RBFOX3: variants seen among roughly 807,000 people sequenced by gnomAD.
The protein encoded by RBFOX3 is RNA binding fox-1 homolog 3.
A neutral mutation model predicts 48.7 loss-of-function variants in RBFOX3; 17 were observed. The ratio of observed to expected loss-of-function variants is 0.35; its 90% CI spans 0.24 to 0.52. RBFOX3 has a LOEUF of 0.52. RBFOX3 is among the 20% of genes least tolerant of loss of function. The pLI is 0.94. For synonymous variants in RBFOX3, 212 were observed against 209.5 expected (o/e 1.01, Z -0.10); for missense variants, 382 against 497.5 (o/e 0.77, Z 2.21).
chr17:79,518,718 G>A (rs888770722), intron 1 of RBFOX3, among the ~76,000 whole-genome samples: 20 of 152,236 alleles, frequency 1.3e-4, no homozygotes, highest in African/African-American at 4.6e-4. Flanking sequence ...CCCCCTTGCC[G>A]TGCCTTCCCT....
intron 2 of RBFOX3, among the ~76,000 whole-genome samples, chr17:79,402,616 G>C (rs75187275): frequency 0.011 from 1,738 of 152,328 alleles, 35 homozygotes; most frequent in African/African-American, 0.039. Flanking sequence ...GAAAGGGTGG[G>C]CCAGGGCCTG....
intron 14 of RBFOX3, chr17:79,092,366 C>A: frequency 1.0e-6 from 1 of 985,626 alleles, no homozygotes; most frequent in Non-Finnish European, 1.2e-6. Flanking sequence ...CGGTTGCAGA[C>A]ATACAGGAAA....
At chr17:79,241,550 ACT>A (rs2062379835) in intron 3 of RBFOX3, among the ~76,000 whole-genome samples, 1 of 151,858 alleles carries the variant, frequency 6.6e-6, no homozygotes, top group South Asian at 2.1e-4. Context: ...GAGGAAGGTG[ACT>A]CTGTGCTGAG....
intron 4 of RBFOX3, among the ~76,000 whole-genome samples, chr17:79,190,240 C>T (rs2054194724): frequency 1.3e-5 from 2 of 152,110 alleles, no homozygotes; most frequent in South Asian, 4.1e-4. Flanking sequence ...GGTGAAACCC[C>T]ATCTCTACTA....
rs868933166 is a variant in RBFOX3, at chr17:79,515,501, G to A, written c.-319-32903C>T. ...ACAGGGTTACAAGAGAACCGCAATC[G>A]GAGAAGAGCCACCAGCACATAGAAA... On this transcript the variant is annotated intron_variant, in intron 1 of 14. Coordinates refer to ENST00000693108, the MANE Select transcript of RBFOX3 (RefSeq NM_001350451.2). 2.0e-3 allele frequency among the ~76,000 whole-genome samples: 303 copies of A among 152,312 alleles called. 7 individuals carry two copies. In the Middle Eastern group the frequency reaches 0.021, roughly 10 times the overall value.
chr17:79,310,075 C>T (rs189725706), intron 2 of RBFOX3, among the ~76,000 whole-genome samples: 12 of 152,238 alleles, frequency 7.9e-5, no homozygotes, highest in South Asian at 2.1e-4. Context: ...CCTGGCAAGC[C>T]GCAGGTGCTC....
chr17:79,614,339 T>C (rs2093986059), upstream of RBFOX3, among the ~76,000 whole-genome samples: 2 of 152,188 alleles, frequency 1.3e-5, no homozygotes, highest in African/African-American at 2.4e-5. Context: ...CATCCTGACC[T>C]CCACCCTCCT....
At chr17:79,403,387 G>T (rs1391859505) in intron 2 of RBFOX3, among the ~76,000 whole-genome samples, 1 of 152,210 alleles carries the variant, frequency 6.6e-6, no homozygotes, top group Non-Finnish European at 1.5e-5. Flanking sequence ...CAGCTCCCAT[G>T]GGGGGTTCAG....
chr17:79,640,144 G>T, the RBFOX3 span, among the ~76,000 whole-genome samples: 1 of 152,038 alleles, frequency 6.6e-6, no homozygotes, highest in Non-Finnish European at 1.5e-5. Context: ...AACATACAAA[G>T]ATCAATTGTG....
At chr17:79,165,463 C>G (rs945501375) in intron 4 of RBFOX3, among the ~76,000 whole-genome samples, 7 of 152,158 alleles carry the variant, frequency 4.6e-5, no homozygotes, top group Non-Finnish European at 8.8e-5. Context: ...GAGGGCACAG[C>G]GGGGTCCCAT....
chr17:79,459,758 G>C (rs961683110), intron 2 of RBFOX3, among the ~76,000 whole-genome samples: 1 of 152,168 alleles, frequency 6.6e-6, no homozygotes. Flanking sequence ...GGTGAGGTTG[G>C]GGGAGAGGGG....
At position 79,188,375 on chromosome 17, in the gene RBFOX3, A is replaced by C. The variant is rs183070316; in HGVS notation, c.-34+47391T>G. 3.2e-3 allele frequency among the ~76,000 whole-genome samples: 491 copies of C among 152,370 alleles called. 3 individuals carry two copies. Among genetic ancestry groups the C allele is most frequent in the African/African-American group, 0.011 (458 of 41,598 alleles). On this transcript the variant is annotated intron_variant, in intron 4 of 14. Coordinates refer to ENST00000693108, the MANE Select transcript of RBFOX3 (RefSeq NM_001350451.2). ...CCTGGCCCCAGCAGAGACTGCAGCA[A>C]AAGTAAAAATCGGCGTGCAAAGGAA... is the stretch of plus-strand genomic sequence containing the variant.
At chr17:79,506,608 G>A (rs1161788712) in intron 1 of RBFOX3, among the ~76,000 whole-genome samples, 1 of 152,214 alleles carries the variant, frequency 6.6e-6, no homozygotes, top group African/African-American at 2.4e-5. Flanking sequence ...CAGATGGCGA[G>A]GAAAGAGCCA....
At chr17:79,142,159 TA>T (rs2042043956) in intron 4 of RBFOX3, among the ~76,000 whole-genome samples, 1 of 152,100 alleles carries the variant, frequency 6.6e-6, no homozygotes. Flanking sequence ...TTGCAGTAAA[TA>T]AAAAGACGAT....
chr17:79,178,767 A>G (rs114723296), intron 4 of RBFOX3, among the ~76,000 whole-genome samples: 1,625 of 152,264 alleles, frequency 0.011, 23 homozygotes, highest in African/African-American at 0.037. Flanking sequence ...TTTCCCCCCA[A>G]TCATTCCCAG....
chr17:79,186,107 T>C (rs1179169281), intron 4 of RBFOX3, among the ~76,000 whole-genome samples: 1 of 152,166 alleles, frequency 6.6e-6, no homozygotes. Context: ...CTGCATCTGG[T>C]CACCTGTGTG....
intron 3 of RBFOX3, among the ~76,000 whole-genome samples, chr17:79,265,835 T>A (rs777673536): frequency 1.3e-5 from 2 of 152,174 alleles, no homozygotes; most frequent in Non-Finnish European, 2.9e-5. Flanking sequence ...GGGCAGGTCG[T>A]GTCTACCGCC....
chr17:79,399,742 A>G (rs1479156034), intron 2 of RBFOX3, among the ~76,000 whole-genome samples: 1 of 152,190 alleles, frequency 6.6e-6, no homozygotes, highest in Non-Finnish European at 1.5e-5. Context: ...CTGGCTTCTC[A>G]GGCAGATGTA....
At chr17:79,330,790 C>G (rs2080159432) in intron 2 of RBFOX3, among the ~76,000 whole-genome samples, 3 of 152,192 alleles carry the variant, frequency 2.0e-5, no homozygotes, top group Admixed American at 2.0e-4. Context: ...AGGTCCTACT[C>G]ACTCTGAGCC....
Sources: allele counts gnomAD v4.1 joint callset (sites outside exome capture counted in the v4.1 genomes callset), GRCh38; gene constraint gnomAD v4.1.1; transcripts MANE v1.5; gene names NCBI Gene and HGNC (gene_info 2026-07-23, HGNC 2026-07-21).